RPS6KA2: variants seen among roughly 807,000 people sequenced by gnomAD.
RPS6KA2 encodes ribosomal protein S6 kinase A2.
RPS6KA2 carries 42 observed loss-of-function variants against 91.8 expected under a neutral mutation model. The ratio of observed to expected loss-of-function variants is 0.46; its 90% CI spans 0.36 to 0.59. RPS6KA2 has a LOEUF of 0.59. Ranked by LOEUF, RPS6KA2 falls within the 20% of genes least tolerant of loss-of-function variation. The pLI, the probability that RPS6KA2 is intolerant of heterozygous loss-of-function variation, is 0.00. For missense variants in RPS6KA2, 798 were observed against 978.5 expected (o/e 0.82, Z 2.46); for synonymous variants, 414 against 393.6 (o/e 1.05, Z -0.61).
At chr6:166,439,697 CTAAA>C (rs1196730242) in intron 14 of RPS6KA2, among the ~76,000 whole-genome samples, 1 of 152,142 alleles carries the variant, frequency 6.6e-6, no homozygotes, top group Non-Finnish European at 1.5e-5. Flanking sequence ...AGGCGGGGAA[CTAAA>C]ATCAGGGCAT....
At position 166,737,526 on chromosome 6, in the gene RPS6KA2, TAA is replaced by T. The variant is rs35016019; in HGVS notation, c.123+120672_123+120673del. 0.034 allele frequency among the ~76,000 whole-genome samples: 5,178 copies of T among 152,300 alleles called. 280 individuals carry two copies. The highest frequency in any genetic ancestry group is 0.12 in the African/African-American group (4,844 of 41,538). ...GATAAGCATCACACTCCAGAGGCAT[TAA>T]AGAGAATTCTAAACGTCTCCTTTGC... On this transcript the variant is annotated intron_variant, in intron 2 of 21. Transcript: ENST00000503859. This position sits in a 1 kb window ranked among gnomAD's most constrained non-coding sequence, Gnocchi z 4.3.
At chr6:166,486,654 G>A (rs951867245) in intron 10 of RPS6KA2, among the ~76,000 whole-genome samples, 2 of 152,236 alleles carry the variant, frequency 1.3e-5, no homozygotes, top group African/African-American at 4.8e-5. Context: ...GTGGCATTGG[G>A]GGCTGGGTCC....
intron 2 of RPS6KA2, among the ~76,000 whole-genome samples, chr6:166,668,636 A>C (rs547318793): frequency 6.6e-6 from 1 of 152,164 alleles, no homozygotes; most frequent in Admixed American, 6.5e-5. Flanking sequence ...ACCTGGGAAC[A>C]CTGAGAACGG....
chr6:166,551,657 T>C lies in RPS6KA2; in HGVS notation c.100-12873A>G, dbSNP rs148421533. On this transcript the variant is annotated intron_variant, in intron 1 of 20. Transcript: ENST00000265678. ...TTCTTTTCTTTTTAAACTAACCTAGTTATTGCATTCTAAAAGATTATGAAG... is the reference window on the plus strand; with the variant it reads ...TTCTTTTCTTTTTAAACTAACCTAGCTATTGCATTCTAAAAGATTATGAAG... Among the ~76,000 whole-genome samples the C allele has an allele frequency of 4.5e-3, 681 of 152,332 alleles. 5 individuals carry two copies. The highest frequency in any genetic ancestry group is 0.016 in the African/African-American group (655 of 41,574).
upstream of RPS6KA2, chr6:166,627,798 C>A (rs1288187703): frequency 6.6e-6 from 1 of 152,258 alleles, no homozygotes; most frequent in Non-Finnish European, 1.5e-5. Context: ...CATCCCTATG[C>A]ACACTTTGTC....
At chr6:166,670,930 C>G (rs899299948) in intron 2 of RPS6KA2, among the ~76,000 whole-genome samples, 1 of 152,172 alleles carries the variant, frequency 6.6e-6, no homozygotes. Flanking sequence ...AAGTGGTTCT[C>G]GTGGCTCAGC....
At chr6:166,644,926 G>A (rs142811012) in intron 2 of RPS6KA2, among the ~76,000 whole-genome samples, 98 of 152,250 alleles carry the variant, frequency 6.4e-4, no homozygotes, top group East Asian at 3.9e-3. Context: ...AGATTGGAGC[G>A]GGGCATCTCC....
intron 1 of RPS6KA2, among the ~76,000 whole-genome samples, chr6:166,582,563 G>C (rs1369880349): frequency 2.0e-5 from 3 of 152,140 alleles, no homozygotes; most frequent in Non-Finnish European, 4.4e-5. Context: ...TAAATCACAA[G>C]TTTTATAGTA....
At chr6:166,676,432 C>A (rs932385623) in intron 2 of RPS6KA2, among the ~76,000 whole-genome samples, 26 of 152,204 alleles carry the variant, frequency 1.7e-4, no homozygotes, top group Non-Finnish European at 4.4e-5. Context: ...GAAAGTGTGG[C>A]CGGTTGATCT....
intron 2 of RPS6KA2, among the ~76,000 whole-genome samples, chr6:166,756,917 G>C (rs1011108657): frequency 6.6e-6 from 1 of 152,170 alleles, no homozygotes; most frequent in South Asian, 2.1e-4. Flanking sequence ...GGAATGAGGA[G>C]TGTTTAATGG....
chr6:166,860,140 C>CCT (rs3046218), intron 1 of RPS6KA2, among the ~76,000 whole-genome samples: 116,948 of 151,988 alleles, frequency 0.77, 49,368 homozygotes, highest in Non-Finnish European at 0.93. Flanking sequence ...TTGGAAATTT[C>CCT]CTCAGAAACT....
rs1778292906 is a variant in RPS6KA2, at chr6:166,411,261, GAAC to G, written c.*1498_*1500del. On this transcript the variant is annotated 3_prime_UTR_variant, in exon 21 of 21. Coordinates refer to ENST00000265678, the MANE Select transcript of RPS6KA2 (RefSeq NM_021135.6). This position sits in a 1 kb window ranked among gnomAD's most constrained non-coding sequence, Gnocchi z 4.5. ...GGGTACGAGAATCGAGATGGAGGGG[GAAC>G]AAAACCCAACAAAATAACATCTTCT... is the stretch of plus-strand genomic sequence containing the variant. 6.6e-6 allele frequency: 1 copy of G among 151,724 alleles called. No homozygotes were observed. Among genetic ancestry groups the G allele is most frequent in the Admixed American group, 6.6e-5 (1 of 15,252 alleles). The allele number at this position is 151,724 out of a possible 1,614,324, so 9.4% of individuals were successfully genotyped here.
chr6:166,839,684 A>AGGGGAGGGGAGGGGAGGGGAGGGGAGGG (rs1360878613), intron 2 of RPS6KA2, among the ~76,000 whole-genome samples: 15 of 23,856 alleles, frequency 6.3e-4, no homozygotes, highest in East Asian at 3.8e-3. Context: ...TCAGAGCAGG[A>AGGGGAGGGGAGGGGAGGGGAGGGGAGGG]GAGGAGAGGG....
At chr6:166,638,560 G>A (rs963302) in intron 2 of RPS6KA2, among the ~76,000 whole-genome samples, 1 of 151,968 alleles carries the variant, frequency 6.6e-6, no homozygotes, top group South Asian at 2.1e-4. Flanking sequence ...ATCTAAAAAC[G>A]ACCGCGGTAA....
chr6:166,416,436 A>ACAAT (rs1379318053), intron 19 of RPS6KA2, among the ~76,000 whole-genome samples: 1 of 150,656 alleles, frequency 6.6e-6, no homozygotes, highest in Non-Finnish European at 1.5e-5. Context: ...CATTACCTCC[A>ACAAT]CAATCACTAC....
intron 2 of RPS6KA2, among the ~76,000 whole-genome samples, chr6:166,792,435 G>A (rs1368376220): frequency 6.6e-6 from 1 of 151,830 alleles, no homozygotes; most frequent in Non-Finnish European, 1.5e-5. Context: ...ACAAAGAGGA[G>A]CTCGTATCAT....
intron 1 of RPS6KA2, among the ~76,000 whole-genome samples, chr6:166,618,984 C>T (rs976199480): frequency 2.6e-5 from 4 of 152,078 alleles, no homozygotes; most frequent in South Asian, 2.1e-4. Flanking sequence ...AAGCCCTGTG[C>T]GTATGGGCTC....
At chr6:166,697,815 T>C (rs1195046771) in intron 2 of RPS6KA2, among the ~76,000 whole-genome samples, 1 of 152,144 alleles carries the variant, frequency 6.6e-6, no homozygotes, top group Non-Finnish European at 1.5e-5. Context: ...CTAAGCAACA[T>C]GGATGGATGG....
At chr6:166,610,005 C>T (rs1735525747) in intron 1 of RPS6KA2, among the ~76,000 whole-genome samples, 1 of 152,158 alleles carries the variant, frequency 6.6e-6, no homozygotes, top group Admixed American at 6.5e-5. Flanking sequence ...CATTCCTACT[C>T]ATTTTCTCAT....
Sources: gnomAD v4.1 joint callset for allele counts (sites outside exome capture counted in the v4.1 genomes callset) on GRCh38, gnomAD v4.1.1 for gene constraint, Gnocchi (gnomAD v3.1) non-coding constraint, MANE v1.5 for transcripts, NCBI Gene and HGNC (gene_info 2026-07-23, HGNC 2026-07-21) for gene names.